Variants in ATAT1 observed in about 807,000 individuals in gnomAD.
ATAT1 encodes the protein alpha-tubulin N-acetyltransferase 1.
ATAT1 carries 42 observed loss-of-function variants against 57.2 expected under a neutral mutation model. That is an observed-to-expected ratio of 0.73 (90% CI 0.57 to 0.95). ATAT1 has a LOEUF of 0.95. ATAT1 is among the 40% of genes least tolerant of loss of function. The probability of loss-of-function intolerance (pLI) is 0.00; values close to 1 mark genes in which losing one functional copy is unlikely to be tolerated. For missense variants in ATAT1, 454 were observed against 523.7 expected (o/e 0.87, Z 1.30); for synonymous variants, 168 against 187.1 (o/e 0.90, Z 0.83).
chr6:30,630,137 C>T (rs1032473904), intron 6 of ATAT1, among the ~76,000 whole-genome samples: 15 of 151,936 alleles, frequency 9.9e-5, no homozygotes, highest in South Asian at 6.3e-4. Flanking sequence ...GGCAACATAG[C>T]GAAACTCTGT....
At position 30,626,978 on chromosome 6, in the gene ATAT1, C is replaced by A. The variant is rs758774675; in HGVS notation, c.-226C>A. 1 of 1,600,392 alleles carries A rather than the reference C, an allele frequency of 6.2e-7. No individual in the cohort carries two copies. Among genetic ancestry groups the A allele is most frequent in the East Asian group, 2.3e-5 (1 of 44,350 alleles). ...GGCCCCCAGCCCGCCGACCCGGAACCACAACGCCGGCCCGGTGACAGCTCA... is the reference window on the plus strand; with the variant it reads ...GGCCCCCAGCCCGCCGACCCGGAACAACAACGCCGGCCCGGTGACAGCTCA... On this transcript the variant is annotated 5_prime_UTR_variant, in exon 1 of 13. Coordinates refer to ENST00000330083, the MANE Select transcript of ATAT1 (RefSeq NM_001031722.4).
Position 30,642,833 on chromosome 6 carries a change from G to GGGGGGCCCCCCCCCCCCCCCCCCCCC in ATAT1, c.754_755insGGGGGCCCCCCCCCCCCCCCCCCCCC (p.Ala252GlyfsTer76). ...GGCCCCTCGCCGCGCCACACCTCCA[G>GGGGGGCCCCCCCCCCCCCCCCCCCCC]CCCACCCACCCCCCCGCTCCAGCAG... On this transcript the variant is annotated frameshift_variant, in exon 10 of 13. Coordinates refer to ENST00000330083, the MANE Select transcript of ATAT1 (RefSeq NM_001031722.4). LOFTEE classifies it high-confidence loss of function. 19 of 1,537,674 alleles carry GGGGGGCCCCCCCCCCCCCCCCCCCCC rather than the reference G, an allele frequency of 1.2e-5. No individual in the cohort carries two copies. Among genetic ancestry groups the GGGGGGCCCCCCCCCCCCCCCCCCCCC allele is most frequent in the Middle Eastern group, 2.2e-4 (1 of 4,560 alleles).
intron 10 of ATAT1, chr6:30,643,630 CCACT>C: frequency 6.5e-7 from 1 of 1,550,016 alleles, no homozygotes; most frequent in Non-Finnish European, 8.7e-7. Context: ...AACCTCAGAC[CCACT>C]CTTCCATTGC....
intron 10 of ATAT1, 132 bp from the exon 11 acceptor site, chr6:30,645,763 T>G: frequency 1.5e-6 from 1 of 650,896 alleles, no homozygotes; most frequent in Non-Finnish European, 2.5e-6. Context: ...GATTAAAACC[T>G]GTTAGGAATG....
At chr6:30,645,358 G>GA (rs888602388) in intron 10 of ATAT1, among the ~76,000 whole-genome samples, 2 of 151,920 alleles carry the variant, frequency 1.3e-5, no homozygotes, top group African/African-American at 4.8e-5. Context: ...TGGGATTACA[G>GA]AAGTGCACCA....
chr6:30,633,915 G>A (rs559679958), intron 6 of ATAT1: 59 of 166,616 alleles, frequency 3.5e-4, no homozygotes, highest in South Asian at 1.8e-3. Context: ...TGAAGATGAC[G>A]ATGTTGATAC....
At chr6:30,643,229 G>A (rs912549383) in intron 10 of ATAT1, 4 of 1,421,944 alleles carry the variant, frequency 2.8e-6, no homozygotes, top group Non-Finnish European at 3.7e-6. Flanking sequence ...AGGGACCCTG[G>A]CTTTAATGTG....
chr6:30,642,833 G>GGCCCCCCCCCCCCCCCCCCCCCC lies in ATAT1; in HGVS notation c.754_755insGCCCCCCCCCCCCCCCCCCCCCC (p.Ala252GlyfsTer75). ...GGCCCCTCGCCGCGCCACACCTCCAGCCCACCCACCCCCCCGCTCCAGCAG... is the reference window on the plus strand; with the variant it reads ...GGCCCCTCGCCGCGCCACACCTCCAGGCCCCCCCCCCCCCCCCCCCCCCCCCACCCACCCCCCCGCTCCAGCAG... On this transcript the variant is annotated frameshift_variant, in exon 10 of 13. Transcript: ENST00000330083. LOFTEE classifies it high-confidence loss of function. 6.5e-7 allele frequency: 1 copy of GGCCCCCCCCCCCCCCCCCCCCCC among 1,537,864 alleles called. No individual in the cohort carries two copies. The highest frequency in any genetic ancestry group is 8.7e-7 in the Non-Finnish European group (1 of 1,145,770).
Position 30,628,115 on chromosome 6 carries a change from TG to T in ATAT1, c.372del (p.Arg125GlufsTer28). 2 of 1,613,036 alleles carry T rather than the reference TG, an allele frequency of 1.2e-6. No individual in the cohort carries two copies. The highest frequency in any genetic ancestry group is 3.3e-5 in the Admixed American group (2 of 60,018). On this transcript the variant is annotated frameshift_variant, in exon 5 of 13. Coordinates refer to ENST00000330083, the MANE Select transcript of ATAT1 (RefSeq NM_001031722.4). LOFTEE classifies it high-confidence loss of function. The stretch of plus-strand genomic sequence containing the variant: ...ATGAGTCTGTGCAACGCCATGGCCA[TG>T]GGCGAGAACTCTTCCAGTATATGTT...
At chr6:30,628,476 A>G in intron 6 of ATAT1, 46 bp downstream of exon 6, 3 of 1,472,628 alleles carry the variant, frequency 2.0e-6, no homozygotes, top group Non-Finnish European at 2.8e-6. Flanking sequence ...TTCCCATTGA[A>G]TTTATTTGTT....
At chr6:30,632,914 C>A (rs1490103443) in intron 6 of ATAT1, among the ~76,000 whole-genome samples, 1 of 149,748 alleles carries the variant, frequency 6.7e-6, no homozygotes, top group Admixed American at 6.7e-5. Flanking sequence ...TGCACTCTAG[C>A]CTGGTGACAG....
rs1384625652 is a variant in ATAT1, at chr6:30,642,212, G to C, written c.653G>C (p.Gly218Ala). ...AAGCTGCCACCCAAGAGAGCAGAGG[G>C]AGACATCAAGCCATACTCCTCTAGT... The change falls in exon 9 of 13, where the codon GGA (glycine) becomes GCA (alanine). Residue 218 changes from glycine to alanine, a missense_variant. This residue lies in a region of ATAT1 where 236 missense variants were observed against 284.5 expected (regional missense o/e 0.83). Transcript: ENST00000330083. The C allele has an allele frequency of 6.2e-7, 1 of 1,614,062 alleles. No homozygotes were observed. Among genetic ancestry groups the C allele is most frequent in the South Asian group, 1.1e-5 (1 of 91,090 alleles).
At chr6:30,627,823 C>T in intron 3 of ATAT1, 28 bp from the exon 4 acceptor site, 1 of 1,611,262 alleles carries the variant, frequency 6.2e-7, no homozygotes, top group Non-Finnish European at 8.5e-7. Flanking sequence ...ATACCACTAG[C>T]CTGTTCATTA....
At chr6:30,638,612 C>A (rs1206457343) in intron 6 of ATAT1, among the ~76,000 whole-genome samples, 1 of 149,092 alleles carries the variant, frequency 6.7e-6, no homozygotes, top group Admixed American at 6.7e-5. Context: ...CTCTCTCTGT[C>A]GCCCAGGCTG....
chr6:30,627,181 G>A lies in ATAT1; in HGVS notation c.-23G>A. The A allele has an allele frequency of 6.2e-7, 1 of 1,613,762 alleles. No individual in the cohort carries two copies. The highest frequency in any genetic ancestry group is 8.5e-7 in the Non-Finnish European group (1 of 1,179,774). ...TTGGATCTGTGACCTTTCACCCCGG[G>A]CCCAAAATGTCCCAATCAAAGGATG... On this transcript the variant is annotated 5_prime_UTR_variant, in exon 1 of 13. Coordinates refer to ENST00000330083, the MANE Select transcript of ATAT1 (RefSeq NM_001031722.4).
chr6:30,626,880 T>G lies in ATAT1; in HGVS notation c.-324T>G. ...GTGGGGCGGGTCCGACCGCGCACAA[T>G]GGGCCATGGAGTTCCCGTTCGATGT... is the stretch of plus-strand genomic sequence containing the variant. On this transcript the variant is annotated 5_prime_UTR_variant, in exon 1 of 13. An upstream start codon of the reference 5' UTR is lost. Coordinates refer to ENST00000330083, the MANE Select transcript of ATAT1 (RefSeq NM_001031722.4). 2 of 1,603,468 alleles carry G rather than the reference T, an allele frequency of 1.2e-6. No homozygotes were observed. Among genetic ancestry groups the G allele is most frequent in the Non-Finnish European group, 1.7e-6 (2 of 1,175,944 alleles).
At chr6:30,642,085 A>T in intron 8 of ATAT1, 91 bp from the exon 9 acceptor site, 1 of 1,596,570 alleles carries the variant, frequency 6.3e-7, no homozygotes, top group Admixed American at 1.7e-5. Flanking sequence ...GTCAGGGAGC[A>T]GAGGTTTGGG....
chr6:30,631,975 C>A (rs2394389), intron 6 of ATAT1, among the ~76,000 whole-genome samples: 4,428 of 151,944 alleles, frequency 0.029, 138 homozygotes, highest in African/African-American at 0.076. Flanking sequence ...GAGGAGGGGC[C>A]TTATAGGCTA....
In ATAT1 at chr6:30,643,031, T is replaced by A; in HGVS notation, c.932+20T>A. ...CACCAGGTAATAGGAGTTGAAGGGCTAAGGAGCCTCACAGCTATAAAAGAG... is the reference window on the plus strand; with the variant it reads ...CACCAGGTAATAGGAGTTGAAGGGCAAAGGAGCCTCACAGCTATAAAAGAG... On this transcript the variant is annotated intron_variant, in intron 10 of 12. Coordinates refer to ENST00000330083, the MANE Select transcript of ATAT1 (RefSeq NM_001031722.4). 6.3e-7 allele frequency: 1 copy of A among 1,593,480 alleles called. No individual in the cohort carries two copies. The highest frequency in any genetic ancestry group is 8.6e-7 in the Non-Finnish European group (1 of 1,168,638).
Sources: allele counts gnomAD v4.1 joint callset (sites outside exome capture counted in the v4.1 genomes callset), GRCh38; gene constraint gnomAD v4.1.1; regional missense constraint gnomAD v4.1.1; transcripts MANE v1.5; gene names NCBI Gene and HGNC (gene_info 2026-07-23, HGNC 2026-07-21).